The following ANKFN1 variants were observed in gnomAD, a reference collection of about 807,000 sequenced individuals.
ANKFN1 encodes ankyrin repeat and fibronectin type III domain containing 1.
Under a neutral mutation model 108.7 loss-of-function variants are expected in ANKFN1, and 74 were observed. The observed-to-expected ratio is 0.68, with a 90% CI of 0.56 to 0.83. The LOEUF is 0.83. Ranked by LOEUF, ANKFN1 falls within the 40% of genes least tolerant of loss-of-function variation. The pLI is 0.00. For synonymous variants in ANKFN1, 547 were observed against 516.2 expected (o/e 1.06, Z -0.81); for missense variants, 1,505 against 1,382.3 (o/e 1.09, Z -1.41).
intron 8 of ANKFN1, among the ~76,000 whole-genome samples, chr17:56,410,328 C>T (rs2048053761): frequency 6.6e-6 from 1 of 152,164 alleles, no homozygotes; most frequent in Non-Finnish European, 1.5e-5. Flanking sequence ...ATCACTTGAC[C>T]TCATGATCCG....
chr17:56,327,582 C>T (rs566105595), intron 4 of ANKFN1, among the ~76,000 whole-genome samples: 2 of 152,276 alleles, frequency 1.3e-5, no homozygotes, highest in East Asian at 1.9e-4. Context: ...AGGTCATTCT[C>T]CCAGGTGATT....
intron 4 of ANKFN1, among the ~76,000 whole-genome samples, chr17:56,146,016 A>G (rs188673160): frequency 1.3e-5 from 2 of 152,342 alleles, no homozygotes; most frequent in African/African-American, 4.8e-5. Context: ...GGGTATAGGC[A>G]TTGTGTAAAT....
chr17:56,331,509 A>C (rs1029863763), intron 4 of ANKFN1, among the ~76,000 whole-genome samples: 11 of 152,186 alleles, frequency 7.2e-5, no homozygotes, highest in African/African-American at 2.7e-4. Flanking sequence ...AGGTGCCAGA[A>C]CTCACAACAT....
intron 8 of ANKFN1, among the ~76,000 whole-genome samples, chr17:56,430,500 CCACACACACA>C (rs60148599): frequency 7.6e-5 from 11 of 144,070 alleles, no homozygotes; most frequent in Admixed American, 2.1e-4. Context: ...GATGCTTTTA[CCACACACACA>C]CACACACACA....
At chr17:56,367,210 T>C (rs1027088179) in intron 6 of ANKFN1, among the ~76,000 whole-genome samples, 4 of 152,214 alleles carry the variant, frequency 2.6e-5, no homozygotes, top group Non-Finnish European at 5.9e-5. Flanking sequence ...AAATTCTTAA[T>C]TAAAAATTAA....
At chr17:56,267,129 A>G (rs1196359417) in intron 3 of ANKFN1, among the ~76,000 whole-genome samples, 4 of 152,128 alleles carry the variant, frequency 2.6e-5, no homozygotes, top group African/African-American at 9.7e-5. Flanking sequence ...GCTCTCACTT[A>G]TAAGTCAGAA....
At chr17:56,048,067 G>A (rs979464625) in intron 4 of ANKFN1, among the ~76,000 whole-genome samples, 10 of 152,092 alleles carry the variant, frequency 6.6e-5, no homozygotes, top group Non-Finnish European at 1.5e-4. Context: ...GGTTGTAACT[G>A]TGGTTTAGAT....
At chr17:56,328,480 T>C (rs1489762554) in intron 4 of ANKFN1, among the ~76,000 whole-genome samples, 2 of 152,232 alleles carry the variant, frequency 1.3e-5, no homozygotes, top group African/African-American at 2.4e-5. Flanking sequence ...GATAAATGAA[T>C]GTATTAAATT....
chr17:56,405,784 G>A (rs1254692670), intron 8 of ANKFN1, among the ~76,000 whole-genome samples: 62 of 152,096 alleles, frequency 4.1e-4, no homozygotes, highest in Non-Finnish European at 2.9e-5. Context: ...AAAATTGAAA[G>A]AGCATATATG....
In ANKFN1 at chr17:56,400,843, G is replaced by T. The variant is rs567609097; in HGVS notation, c.910+26129G>T. The stretch of plus-strand genomic sequence containing the variant: ...ATCCCAGCACCATTTGTTGAAAAGG[G>T]TGTCCTTTCCCCACTGTAAGTTTTT... On this transcript the variant is annotated intron_variant, in intron 8 of 20. Coordinates refer to ENST00000682825, the MANE Select transcript of ANKFN1 (RefSeq NM_001370326.1). 2.6e-5 allele frequency among the ~76,000 whole-genome samples: 4 copies of T among 152,180 alleles called. No homozygotes were observed. The South Asian group carries it at 8.3e-4, about 32-fold the overall frequency.
At chr17:56,452,178 C>A (rs9910441) in intron 11 of ANKFN1, among the ~76,000 whole-genome samples, 7,911 of 152,226 alleles carry the variant, frequency 0.052, 421 homozygotes, top group African/African-American at 0.14. Flanking sequence ...ACAATAGTAA[C>A]TGAAACCCTG....
At chr17:56,454,249 G>A (rs1050188745) in intron 11 of ANKFN1, among the ~76,000 whole-genome samples, 2 of 151,648 alleles carry the variant, frequency 1.3e-5, no homozygotes, top group Non-Finnish European at 2.9e-5. Flanking sequence ...CCTTCTATTC[G>A]GTTTCTTAGC....
chr17:56,343,100 G>T (rs1268661764), intron 4 of ANKFN1, among the ~76,000 whole-genome samples: 1 of 151,714 alleles, frequency 6.6e-6, no homozygotes, highest in East Asian at 1.9e-4. Context: ...AGTCTGTTTT[G>T]CCAGATAGTA....
intron 2 of ANKFN1, 77 bp from the exon 3 acceptor site, chr17:56,227,840 C>T (rs1916400108): frequency 8.5e-7 from 1 of 1,182,184 alleles, no homozygotes; most frequent in East Asian, 2.5e-5. Flanking sequence ...TCAGTGGCTT[C>T]AAACGTGACT....
At chr17:56,389,965 C>T (rs1407408414) in intron 8 of ANKFN1, among the ~76,000 whole-genome samples, 1 of 152,102 alleles carries the variant, frequency 6.6e-6, no homozygotes, top group Non-Finnish European at 1.5e-5. Flanking sequence ...ACTCACTTGC[C>T]CACTGATTGT....
chr17:56,232,000 C>T (rs935339734), intron 3 of ANKFN1, among the ~76,000 whole-genome samples: 3 of 152,078 alleles, frequency 2.0e-5, no homozygotes, highest in Non-Finnish European at 4.4e-5. Flanking sequence ...AACTTTCTTT[C>T]GCTAACCTGA....
chr17:56,381,150 C>G (rs182274072), intron 8 of ANKFN1, among the ~76,000 whole-genome samples: 261 of 152,308 alleles, frequency 1.7e-3, no homozygotes, highest in African/African-American at 5.6e-3. Flanking sequence ...TGTTCTGCAG[C>G]CACCGCTGCT....
intron 4 of ANKFN1, among the ~76,000 whole-genome samples, chr17:56,061,087 A>G (rs1394909230): frequency 1.3e-5 from 2 of 152,030 alleles, no homozygotes; most frequent in Non-Finnish European, 2.9e-5. Context: ...TTGGTAGGCT[A>G]TTAATTACTG....
At chr17:56,417,079 G>T (rs879390962) in intron 8 of ANKFN1, among the ~76,000 whole-genome samples, 2 of 151,978 alleles carry the variant, frequency 1.3e-5, no homozygotes, top group African/African-American at 2.4e-5. Context: ...TGGGAGGTTG[G>T]GGGGAATAGT....
Sources: gnomAD v4.1 joint callset for allele counts (sites outside exome capture counted in the v4.1 genomes callset) on GRCh38, gnomAD v4.1.1 for gene constraint, MANE v1.5 for transcripts, NCBI Gene and HGNC (gene_info 2026-07-23, HGNC 2026-07-21) for gene names.